CEP128: variants seen among roughly 807,000 people sequenced by gnomAD.
CEP128 encodes the protein centrosomal protein 128, also known as centrosomal protein 128kDa.
Under a neutral mutation model 156.7 loss-of-function variants are expected in CEP128, and 132 were observed. The ratio of observed to expected loss-of-function variants is 0.84; its 90% CI spans 0.73 to 0.97. The LOEUF (loss-of-function observed/expected upper bound fraction) is 0.97. Among genes scored for constraint, CEP128 ranks in the 50% least tolerant of loss-of-function variants. The probability of loss-of-function intolerance (pLI) is 0.00; values close to 1 mark genes in which losing one functional copy is unlikely to be tolerated. For synonymous variants in CEP128, 469 were observed against 448.9 expected, an observed-to-expected ratio of 1.04 and a Z score of -0.57; for missense variants, 1,252 against 1,281.9, an observed-to-expected ratio of 0.98 and a Z score of 0.36.
intron 14 of CEP128, among the ~76,000 whole-genome samples, chr14:80,791,116 A>C (rs987684841): frequency 2.6e-5 from 4 of 151,904 alleles, no homozygotes; most frequent in African/African-American, 9.7e-5. Flanking sequence ...ACATTTTTAA[A>C]TTTTTTTTCC....
At chr14:80,679,043 T>C (rs1896204652) in intron 19 of CEP128, among the ~76,000 whole-genome samples, 1 of 152,232 alleles carries the variant, frequency 6.6e-6, no homozygotes. Context: ...TTCCAAATAA[T>C]ACTCTTATAA....
At chr14:80,946,648 A>C (rs887392671), upstream of CEP128, among the ~76,000 whole-genome samples, 2 of 152,212 alleles carry the variant, frequency 1.3e-5, no homozygotes, top group African/African-American at 4.8e-5. Flanking sequence ...CTCATCTAGA[A>C]TGAATAAATG....
intron 20 of CEP128, among the ~76,000 whole-genome samples, chr14:80,568,826 G>C (rs1211698829): frequency 1.3e-5 from 2 of 152,088 alleles, no homozygotes; most frequent in South Asian, 2.1e-4. Context: ...CAACAACTAA[G>C]TTTTTAGCTG....
intron 8 of CEP128, among the ~76,000 whole-genome samples, chr14:80,885,514 C>T (rs532593201): frequency 6.6e-6 from 1 of 152,294 alleles, no homozygotes; most frequent in African/African-American, 2.4e-5. Flanking sequence ...CAGCAAACTC[C>T]AGCAGACCTG....
chr14:80,512,738 T>C (rs1166935901), intron 23 of CEP128, among the ~76,000 whole-genome samples: 1 of 152,100 alleles, frequency 6.6e-6, no homozygotes, highest in Non-Finnish European at 1.5e-5. Context: ...GTGTATCCAT[T>C]GTAGGTTTTT....
At chr14:80,761,691 C>T in intron 16 of CEP128, 78 bp from the exon 17 acceptor site, 4 of 1,010,368 alleles carry the variant, frequency 4.0e-6, no homozygotes, top group Non-Finnish European at 5.7e-6. Context: ...TCTGTTCAAC[C>T]AACTAGAAGT....
intron 2 of CEP128, chr14:80,955,349 G>C (rs74064763): frequency 4.2e-6 from 2 of 475,208 alleles, no homozygotes; most frequent in African/African-American, 1.9e-5. Context: ...GGGCGCCCGG[G>C]GTGGGGGGGC....
At chr14:80,754,275 C>T (rs564448550) in intron 18 of CEP128, among the ~76,000 whole-genome samples, 2 of 152,182 alleles carry the variant, frequency 1.3e-5, no homozygotes, top group East Asian at 3.9e-4. Flanking sequence ...CTGTTCTGTG[C>T]CTTTCCTAGA....
intron 21 of CEP128, among the ~76,000 whole-genome samples, chr14:80,535,332 T>C (rs1478286745): frequency 6.6e-6 from 1 of 152,220 alleles, no homozygotes; most frequent in East Asian, 1.9e-4. Flanking sequence ...GCAAGGTTCT[T>C]ATTAGGAAAA....
At chr14:80,762,801 T>C (rs920396143) in intron 16 of CEP128, among the ~76,000 whole-genome samples, 1 of 152,194 alleles carries the variant, frequency 6.6e-6, no homozygotes, top group Non-Finnish European at 1.5e-5. Context: ...AAAATGGGGC[T>C]GGTAGCCAAG....
At chr14:80,749,350 C>CACA (rs1899271428) in intron 18 of CEP128, among the ~76,000 whole-genome samples, 1 of 152,198 alleles carries the variant, frequency 6.6e-6, no homozygotes, top group Non-Finnish European at 1.5e-5. Flanking sequence ...TGGCACTAAT[C>CACA]ACAACGGCCA....
rs562583861 is a variant in CEP128 at position 80,508,262 on chromosome 14, T to G, written c.3073-3242A>C. 2.6e-5 allele frequency among the ~76,000 whole-genome samples: 4 copies of G among 152,138 alleles called. No homozygotes were observed. In the South Asian group the frequency reaches 8.3e-4, roughly 32 times the overall value. ...AAGCCAGTTACTTGGCATATGATAG[T>G]CAAAATATGGCACTGACATATTTCA... is the stretch of plus-strand genomic sequence containing the variant. On this transcript the variant is annotated intron_variant, in intron 23 of 24. Transcript: ENST00000555265.
intron 20 of CEP128, among the ~76,000 whole-genome samples, chr14:80,565,328 AACCTG>A (rs1378543077): frequency 6.6e-6 from 1 of 152,050 alleles, no homozygotes; most frequent in Admixed American, 6.6e-5. Flanking sequence ...TTCCATCTCC[AACCTG>A]ACCAATCCGC....
At chr14:80,667,006 C>T (rs72690935) in intron 19 of CEP128, among the ~76,000 whole-genome samples, 19,831 of 152,148 alleles carry the variant, frequency 0.13, 1,576 homozygotes, top group Non-Finnish European at 0.2. Context: ...ACTTCCAGGA[C>T]CCCAAACAAA....
At chr14:80,896,718 A>C (rs1030269787) in intron 7 of CEP128, among the ~76,000 whole-genome samples, 1 of 151,948 alleles carries the variant, frequency 6.6e-6, no homozygotes, top group African/African-American at 2.4e-5. Flanking sequence ...AAGCTTTCTC[A>C]TTATCTTTTG....
downstream of CEP128, among the ~76,000 whole-genome samples, chr14:80,493,195 C>A (rs780934046): frequency 6.6e-6 from 1 of 152,132 alleles, no homozygotes; most frequent in Non-Finnish European, 1.5e-5. Flanking sequence ...CTAGCATATG[C>A]CTGTTTGAGA....
chr14:80,774,075 TA>T (rs1303284738), intron 16 of CEP128, among the ~76,000 whole-genome samples: 9 of 152,204 alleles, frequency 5.9e-5, no homozygotes, highest in Non-Finnish European at 1.3e-4. Flanking sequence ...TAATACCATA[TA>T]TCACCACTGA....
At chr14:80,582,877 A>C (rs1275451159) in intron 19 of CEP128, among the ~76,000 whole-genome samples, 2 of 152,246 alleles carry the variant, frequency 1.3e-5, no homozygotes, top group East Asian at 3.9e-4. Flanking sequence ...TTTGTAATGA[A>C]TTAGATTGTT....
intron 13 of CEP128, among the ~76,000 whole-genome samples, chr14:80,821,600 T>TACATAC (rs1430951231): frequency 1.4e-4 from 21 of 145,370 alleles, no homozygotes; most frequent in Admixed American, 4.8e-4. Context: ...CATACACACA[T>TACATAC]ACACACACAC....
Sources: allele counts gnomAD v4.1 joint callset (sites outside exome capture counted in the v4.1 genomes callset), GRCh38; gene constraint gnomAD v4.1.1; transcripts MANE v1.5; gene names NCBI Gene and HGNC (gene_info 2026-07-23, HGNC 2026-07-21).